The following OTOL1 variants were observed in gnomAD, a reference collection of about 807,000 sequenced individuals.
OTOL1 encodes otolin-1.
OTOL1 carries 31 observed loss-of-function variants against 25.0 expected under a neutral mutation model. The observed-to-expected ratio is 1.24, with a 90% CI of 0.93 to 1.67. OTOL1 has a LOEUF of 1.67. Among genes scored for constraint, OTOL1 ranks in the 40% most tolerant of loss-of-function variants. The probability of loss-of-function intolerance (pLI) is 0.00; values close to 1 mark genes in which losing one functional copy is unlikely to be tolerated. For missense variants in OTOL1, 654 were observed against 587.7 expected, an observed-to-expected ratio of 1.11 and a Z score of -1.17; for synonymous variants, 225 against 210.3, an observed-to-expected ratio of 1.07 and a Z score of -0.61.
Position 161,497,033 on chromosome 3 carries a change from G to C in OTOL1, c.226G>C (p.Asp76His), listed in dbSNP as rs1718850300. ...AEPITKPSAL[D>H]SVFGTATLSP... is the part of the protein sequence containing the mutation. ...ACCAATTACCAAACCCTCGGCCTTG[G>C]ATTCTGTCTTTGGCACTGCCACTCT... Residue 76 changes from aspartate to histidine, a missense_variant, in exon 1 of 4, where the codon GAT becomes CAT. Asp to His is a moderately conservative substitution (Grantham distance 81). Transcript: ENST00000327928. 1 of 1,613,664 alleles carries C rather than the reference G, an allele frequency of 6.2e-7. No individual in the cohort carries two copies. The highest frequency in any genetic ancestry group is 8.5e-7 in the Non-Finnish European group (1 of 1,179,676).
intron 2 of OTOL1, 64 bp from the exon 3 acceptor site, chr3:161,502,243 G>A: frequency 7.2e-7 from 1 of 1,380,856 alleles, no homozygotes; most frequent in Non-Finnish European, 1.0e-6. Flanking sequence ...ATGGTTGTGA[G>A]AGGAATATTA....
At chr3:161,497,592 TA>T (rs1718868183) in intron 1 of OTOL1, among the ~76,000 whole-genome samples, 2 of 152,112 alleles carry the variant, frequency 1.3e-5, no homozygotes. Context: ...GTGGCTGATT[TA>T]AAAAGGGTAA....
chr3:161,501,784 G>T (rs998730313), intron 2 of OTOL1, among the ~76,000 whole-genome samples: 3 of 152,060 alleles, frequency 2.0e-5, no homozygotes, highest in African/African-American at 7.2e-5. Flanking sequence ...AAATGCTGAG[G>T]GCAAAGATGA....
chr3:161,500,271 T>C (rs903641601), intron 2 of OTOL1, among the ~76,000 whole-genome samples: 1 of 152,208 alleles, frequency 6.6e-6, no homozygotes, highest in Non-Finnish European at 1.5e-5. Context: ...TTGTCAGTTA[T>C]GTGATTTTCA....
rs1250367108 is a variant in OTOL1, at chr3:161,503,551, G to A, written c.1043G>A (p.Gly348Asp). ...ARVPRSAFSAGLSKPFPPPNI... is the reference protein window; with the variant it reads ...ARVPRSAFSADLSKPFPPPNI... Reference sequence around the variant, plus strand: ...GTGCCCCGGTCGGCTTTCAGCGCTGGTTTGTCAAAGCCATTTCCTCCTCCT... The same window carrying A: ...GTGCCCCGGTCGGCTTTCAGCGCTGATTTGTCAAAGCCATTTCCTCCTCCT... Residue 348 changes from glycine to aspartate, a missense_variant, in exon 4 of 4, where the codon GGT becomes GAT. Transcript: ENST00000327928. The A allele has an allele frequency of 1.5e-5, 25 of 1,613,728 alleles. No homozygotes were observed. Among genetic ancestry groups the A allele is most frequent in the Non-Finnish European group, 2.0e-5 (24 of 1,179,870 alleles).
intron 2 of OTOL1, among the ~76,000 whole-genome samples, chr3:161,500,337 G>A (rs1013474620): frequency 6.6e-6 from 1 of 152,112 alleles, no homozygotes; most frequent in Non-Finnish European, 1.5e-5. Context: ...AAAACCTTGT[G>A]AAATAAAGAT....
Position 161,503,881 on chromosome 3 carries a change from A to T in OTOL1, c.1373A>T (p.Asp458Val). Residue 458 changes from aspartate to valine, a missense_variant, in exon 4 of 4, where the codon GAT (aspartate) becomes GTT (valine). By Grantham distance (152) the Asp-to-Val change is radical (BLOSUM62 -3). Transcript: ENST00000327928. Reference sequence around the variant, plus strand: ...AATGGGGTGTATGTCAGTGCTGAGGATGACAGCATTTTTACTGGGTTCCTT... The same window carrying T: ...AATGGGGTGTATGTCAGTGCTGAGGTTGACAGCATTTTTACTGGGTTCCTT... ...DWNGVYVSAE[D>V]DSIFTGFLLY... 6.2e-7 allele frequency: 1 copy of T among 1,613,802 alleles called. No homozygotes were observed. Among genetic ancestry groups the T allele is most frequent in the South Asian group, 1.1e-5 (1 of 91,074 alleles).
chr3:161,502,514 C>A, intron 3 of OTOL1, 145 bp downstream of exon 3: 3 of 721,958 alleles, frequency 4.2e-6, no homozygotes, highest in Non-Finnish European at 6.9e-6. Flanking sequence ...TGTACTGACT[C>A]AGTGAAGGAG....
At chr3:161,499,577 G>GCTCT (rs1718922031) in intron 2 of OTOL1, among the ~76,000 whole-genome samples, 2 of 152,108 alleles carry the variant, frequency 1.3e-5, no homozygotes, top group Admixed American at 1.3e-4. Flanking sequence ...AGGGTATAGA[G>GCTCT]ATACCCTTCC....
At chr3:161,500,144 T>C (rs982867955) in intron 2 of OTOL1, among the ~76,000 whole-genome samples, 1 of 152,200 alleles carries the variant, frequency 6.6e-6, no homozygotes, top group African/African-American at 2.4e-5. Context: ...AAAGGCCTAA[T>C]ACCATCTATA....
Position 161,498,451 on chromosome 3 carries a change from G to A in OTOL1, c.365-720G>A, listed in dbSNP as rs183478284. ...CTGCCACAGAGCATAGTGCTTGAGA[G>A]CTTAGAATGCTGAGACTATCTTGGT... On this transcript the variant is annotated intron_variant, in intron 1 of 3. Transcript: ENST00000327928. Among the ~76,000 whole-genome samples the A allele has an allele frequency of 2.3e-3, 357 of 152,246 alleles. 2 individuals are homozygous for A. The highest frequency in any genetic ancestry group is 7.8e-3 in the African/African-American group (324 of 41,566).
chr3:161,497,156 G>A lies in OTOL1; in HGVS notation c.349G>A (p.Glu117Lys), dbSNP rs747627211. The stretch of plus-strand genomic sequence containing the variant: ...ACCCGGGCAGAAAGGAGAACCTGGA[G>A]AGACTGGACAGCCAGGTATTAGAAA... ...PVPGQKGEPG[E>K]TGQPGPKGEA... Residue 117 changes from glutamate (E) to lysine (K), a missense_variant, in exon 1 of 4, where the codon GAG becomes AAG. Coordinates refer to ENST00000327928, the MANE Select transcript of OTOL1 (RefSeq NM_001080440.1). 1.2e-6 allele frequency: 2 copies of A among 1,610,812 alleles called. No homozygotes were observed. Among genetic ancestry groups the A allele is most frequent in the East Asian group, 2.2e-5 (1 of 44,866 alleles).
intron 1 of OTOL1, among the ~76,000 whole-genome samples, chr3:161,498,591 C>T (rs1276347543): frequency 6.6e-6 from 1 of 152,106 alleles, no homozygotes; most frequent in Admixed American, 6.6e-5. Flanking sequence ...CTCAATAAGA[C>T]CTTCGTATTT....
rs1718854633 is a variant in OTOL1 at position 161,497,168 on chromosome 3, C to T, written c.361C>T (p.Pro121Ser). The change falls in exon 1 of 4, where the codon CCA (proline) becomes TCA (serine). Residue 121 changes from proline (P) to serine (S), a missense_variant. Physicochemically the swap from Pro to Ser is moderately conservative, Grantham distance 74. Transcript: ENST00000327928. ...AGGAGAACCTGGAGAGACTGGACAGCCAGGTATTAGAAAATATAAGAAGTC... is the reference window on the plus strand; with the variant it reads ...AGGAGAACCTGGAGAGACTGGACAGTCAGGTATTAGAAAATATAAGAAGTC... Reference protein sequence around the residue: ...QKGEPGETGQPGPKGEAGNLG... With the variant: ...QKGEPGETGQSGPKGEAGNLG... The T allele has an allele frequency of 6.2e-7, 1 of 1,604,612 alleles. No homozygotes were observed.
rs547650327 is a variant in OTOL1, at chr3:161,499,261, G to T, written c.454+1G>T. The T allele has an allele frequency of 1.3e-6, 2 of 1,591,734 alleles. No individual in the cohort carries two copies. The highest frequency in any genetic ancestry group is 1.4e-5 in the African/African-American group (1 of 73,662). On this transcript the variant is annotated splice_donor_variant, in intron 2 of 3. Transcript: ENST00000327928. LOFTEE classifies it high-confidence loss of function. ...CCTAGAGGCTACAAAGGAGAGAAAG[G>T]TAGGTAATTCATTCATGTCAAAACT...
chr3:161,502,991 T>C, intron 3 of OTOL1, 35 bp from the exon 4 acceptor site: 1 of 1,301,502 alleles, frequency 7.7e-7, no homozygotes, highest in Non-Finnish European at 9.8e-7. Flanking sequence ...ATGGCCTATG[T>C]GATCCTTAAA....
intron 3 of OTOL1, 52 bp from the exon 4 acceptor site, chr3:161,502,973 TG>T: frequency 4.0e-6 from 5 of 1,236,450 alleles, no homozygotes; most frequent in Non-Finnish European, 5.2e-6. Flanking sequence ...GGTAATAGCA[TG>T]CTGTTTATGG....
At chr3:161,498,136 T>C (rs1442100155) in intron 1 of OTOL1, among the ~76,000 whole-genome samples, 1 of 152,130 alleles carries the variant, frequency 6.6e-6, no homozygotes, top group African/African-American at 2.4e-5. Flanking sequence ...GAAAATTTAA[T>C]GAGACTGAGA....
rs756695728 is a variant in OTOL1 at position 161,499,276 on chromosome 3, A to G, written c.454+16A>G. ...GGAGAGAAAGGTAGGTAATTCATTC[A>G]TGTCAAAACTCAAGGGACATTCTGC... is the stretch of plus-strand genomic sequence containing the variant. On this transcript the variant is annotated intron_variant, in intron 2 of 3. Transcript: ENST00000327928. The G allele has an allele frequency of 1.9e-6, 3 of 1,564,924 alleles. No individual in the cohort carries two copies. The highest frequency in any genetic ancestry group is 2.6e-6 in the Non-Finnish European group (3 of 1,152,150).
Sources: allele counts gnomAD v4.1 joint callset (sites outside exome capture counted in the v4.1 genomes callset), GRCh38; gene constraint gnomAD v4.1.1; transcripts MANE v1.5; gene names NCBI Gene and HGNC (gene_info 2026-07-23, HGNC 2026-07-21).